CALN1: variants seen among roughly 807,000 people sequenced by gnomAD.
CALN1 encodes calcium-binding protein 8.
A neutral mutation model predicts 30.6 loss-of-function variants in CALN1; 17 were observed. That is an observed-to-expected ratio of 0.56 (90% confidence interval 0.38 to 0.83). CALN1 has a LOEUF of 0.83. Among genes scored for constraint, CALN1 ranks in the 40% least tolerant of loss-of-function variants. The pLI is 0.00. For missense variants in CALN1, 291 were observed against 354.9 expected, an observed-to-expected ratio of 0.82 and a Z score of 1.45; for synonymous variants, 156 against 131.4, an observed-to-expected ratio of 1.19 and a Z score of -1.28.
intron 5 of CALN1, among the ~76,000 whole-genome samples, chr7:71,955,730 G>A (rs1446542569): frequency 6.6e-6 from 1 of 152,038 alleles, no homozygotes; most frequent in East Asian, 1.9e-4. Flanking sequence ...TGATGTTCTG[G>A]AACTCAGGAG....
At chr7:72,102,062 CTT>C (rs1383958844) in intron 4 of CALN1, among the ~76,000 whole-genome samples, 12 of 152,286 alleles carry the variant, frequency 7.9e-5, no homozygotes, top group African/African-American at 2.9e-4. Context: ...GAGTTTCACT[CTT>C]TGTCACCCAG....
chr7:72,006,417 G>T (rs938503214), intron 5 of CALN1, among the ~76,000 whole-genome samples: 37 of 152,062 alleles, frequency 2.4e-4, no homozygotes, highest in Admixed American at 2.2e-3. Context: ...AAAGCAAAAA[G>T]AATAATATGG....
intron 4 of CALN1, among the ~76,000 whole-genome samples, chr7:72,048,688 TCC>T (rs1381658519): frequency 6.6e-6 from 1 of 151,144 alleles, no homozygotes; most frequent in African/African-American, 2.4e-5. Flanking sequence ...CTTGTCTGCC[TCC>T]CCTTCTTCCT....
intron 3 of CALN1, among the ~76,000 whole-genome samples, chr7:72,115,343 G>GA (rs1807902538): frequency 6.8e-6 from 1 of 146,154 alleles, no homozygotes; most frequent in South Asian, 2.1e-4. Context: ...TCTCCACCTG[G>GA]ATTTTTTTTT....
At chr7:71,817,933 G>A (rs1369616754) in intron 5 of CALN1, among the ~76,000 whole-genome samples, 2 of 151,664 alleles carry the variant, frequency 1.3e-5, no homozygotes, top group Non-Finnish European at 2.9e-5. Context: ...TGAAGTCTGT[G>A]AAGAAAACTT....
intron 4 of CALN1, among the ~76,000 whole-genome samples, chr7:72,053,707 T>C (rs988615215): frequency 6.6e-6 from 1 of 152,152 alleles, no homozygotes; most frequent in East Asian, 1.9e-4. Context: ...GTAAGCTTTT[T>C]AGAGATTTGT....
chr7:72,331,572 C>G (rs573205180), intron 2 of CALN1, among the ~76,000 whole-genome samples: 1 of 152,184 alleles, frequency 6.6e-6, no homozygotes, highest in South Asian at 2.1e-4. Flanking sequence ...TTGGCTTTGC[C>G]CAGGAAAGAA....
intron 2 of CALN1, among the ~76,000 whole-genome samples, 177 bp downstream of exon 2, chr7:72,403,073 AG>A (rs2129562126): frequency 6.6e-6 from 1 of 152,300 alleles, no homozygotes; most frequent in East Asian, 1.9e-4. Context: ...AATAGGCTCA[AG>A]AAAGGGGATA....
chr7:71,807,538 T>C (rs1035370312), intron 6 of CALN1, among the ~76,000 whole-genome samples: 2 of 152,192 alleles, frequency 1.3e-5, no homozygotes, highest in Non-Finnish European at 2.9e-5. Flanking sequence ...GATAAAAATA[T>C]GCAAAAGGGA....
At chr7:72,451,422 T>A (rs1808661932), upstream of CALN1, among the ~76,000 whole-genome samples, 1 of 67,924 alleles carries the variant, frequency 1.5e-5, no homozygotes, top group African/African-American at 5.5e-5. Context: ...AGGAGGGGGA[T>A]TTGGGGAAGG....
intron 2 of CALN1, among the ~76,000 whole-genome samples, chr7:72,398,319 G>C (rs185232073): frequency 1.3e-5 from 2 of 152,208 alleles, no homozygotes; most frequent in African/African-American, 4.8e-5. Flanking sequence ...GGGAAAACTA[G>C]AGAGAAAAGT....
At chr7:72,431,075 C>T (rs893775503) in intron 1 of CALN1, among the ~76,000 whole-genome samples, 3 of 151,350 alleles carry the variant, frequency 2.0e-5, no homozygotes, top group Middle Eastern at 3.4e-3. Flanking sequence ...GATTACAGGC[C>T]TGTGCCACCA....
intron 2 of CALN1, among the ~76,000 whole-genome samples, chr7:72,402,976 A>G (rs1389039303): frequency 6.6e-6 from 1 of 152,188 alleles, no homozygotes; most frequent in Non-Finnish European, 1.5e-5. Flanking sequence ...TGTAAGTTGT[A>G]TTTGTCATTG....
At chr7:71,921,993 G>A (rs1232151055) in intron 5 of CALN1, among the ~76,000 whole-genome samples, 1 of 152,170 alleles carries the variant, frequency 6.6e-6, no homozygotes, top group Non-Finnish European at 1.5e-5. Context: ...CAATGAGTGC[G>A]TTCTTACTGA....
chr7:72,357,767 A>G (rs953147491), intron 2 of CALN1, among the ~76,000 whole-genome samples: 1 of 150,732 alleles, frequency 6.6e-6, no homozygotes, highest in Admixed American at 6.6e-5. Context: ...ACATGTTTAT[A>G]GGAATTCTGA....
At chr7:72,154,765 A>T (rs934572164) in intron 3 of CALN1, among the ~76,000 whole-genome samples, 1 of 152,190 alleles carries the variant, frequency 6.6e-6, no homozygotes, top group African/African-American at 2.4e-5. Context: ...GAAGAGAGCC[A>T]GGCCCAGTGT....
chr7:72,249,617 C>T (rs1172504456), intron 3 of CALN1, among the ~76,000 whole-genome samples: 2 of 152,136 alleles, frequency 1.3e-5, no homozygotes, highest in East Asian at 3.9e-4. Context: ...GCCCTGCCAA[C>T]ATGGCAAAAC....
the CALN1 span, among the ~76,000 whole-genome samples, chr7:72,501,948 T>TATATATATATATATATATATATATACAC: frequency 5.5e-5 from 4 of 72,352 alleles, no homozygotes; most frequent in African/African-American, 2.9e-4. Flanking sequence ...TATATATATA[T>TATATATATATATATATATATATATACAC]ACACACATAT....
chr7:71,954,179 G>T (rs1390038838), intron 5 of CALN1, among the ~76,000 whole-genome samples: 1 of 152,072 alleles, frequency 6.6e-6, no homozygotes, highest in East Asian at 1.9e-4. Context: ...TTAAAATGGG[G>T]CCAAGCACTG....
Sources: gnomAD v4.1 joint callset for allele counts (sites outside exome capture counted in the v4.1 genomes callset) on GRCh38, gnomAD v4.1.1 for gene constraint, MANE v1.5 for transcripts, NCBI Gene and HGNC (gene_info 2026-07-23, HGNC 2026-07-21) for gene names.